Variants in CSMD1 observed in about 807,000 individuals in gnomAD.
CSMD1 encodes CUB and Sushi multiple domains 1, also known as CUB and sushi domain-containing protein 1.
CSMD1 carries 213 observed loss-of-function variants against 417.5 expected under a neutral mutation model. The ratio of observed to expected loss-of-function variants is 0.51; its 90% confidence interval spans 0.46 to 0.57. CSMD1 has a LOEUF of 0.57. Among genes scored for constraint, CSMD1 ranks in the 20% least tolerant of loss-of-function variants. The pLI is 0.00. For missense variants in CSMD1, 6,923 were observed against 4,529.7 expected, an observed-to-expected ratio of 1.53 and a Z score of -15.17; for synonymous variants, 2,862 against 1,736.8, an observed-to-expected ratio of 1.65 and a Z score of -16.11.
intron 12 of CSMD1, among the ~76,000 whole-genome samples, chr8:3,446,357 C>A (rs2117083147): frequency 6.6e-6 from 1 of 152,296 alleles, no homozygotes; most frequent in South Asian, 2.1e-4. Context: ...AGACTGTTTG[C>A]AAAATACACA....
At chr8:3,750,690 C>A (rs916302985) in intron 6 of CSMD1, among the ~76,000 whole-genome samples, 1 of 152,154 alleles carries the variant, frequency 6.6e-6, no homozygotes, top group Non-Finnish European at 1.5e-5. Context: ...CATTTGCCCT[C>A]TGAAGGAACA....
intron 3 of CSMD1, among the ~76,000 whole-genome samples, chr8:4,114,685 G>T (rs1338915239): frequency 6.6e-6 from 1 of 152,168 alleles, no homozygotes; most frequent in Non-Finnish European, 1.5e-5. Flanking sequence ...GTGCTTCATG[G>T]GAGGAGGTCA....
chr8:4,326,998 G>T (rs557593854), intron 3 of CSMD1, among the ~76,000 whole-genome samples: 5 of 152,248 alleles, frequency 3.3e-5, no homozygotes, highest in African/African-American at 1.2e-4. Context: ...GAAGGAAAAC[G>T]AAAGAATTGG....
Position 4,194,807 on chromosome 8 carries a change from A to T in CSMD1, c.416-162708T>A, listed in dbSNP as rs576594268. ...ACCTTCATGAGACTCTTTGGTCACTATGAGTTCTGCAAAGAAAAAAAAAAG... is the reference window on the plus strand; with the variant it reads ...ACCTTCATGAGACTCTTTGGTCACTTTGAGTTCTGCAAAGAAAAAAAAAAG... On this transcript the variant is annotated intron_variant, in intron 3 of 69. Coordinates refer to ENST00000635120, the MANE Select transcript of CSMD1 (RefSeq NM_033225.6). 2.1e-4 allele frequency among the ~76,000 whole-genome samples: 32 copies of T among 152,126 alleles called. 1 individual carries two copies. Among genetic ancestry groups the T allele is most frequent in the African/African-American group, 6.8e-4 (28 of 41,452 alleles).
In CSMD1 at chr8:3,272,538, C is replaced by A. The variant is rs531264842; in HGVS notation, c.4153+11606G>T. ...ACTTTGGGCAGTATGGCCATTTTCA[C>A]GATATTGATTCTTCCTACCCATGAG... On this transcript the variant is annotated intron_variant, in intron 26 of 69. Transcript: ENST00000635120. Among the ~76,000 whole-genome samples the A allele has an allele frequency of 1.4e-5, 2 of 138,838 alleles. 1 individual carries two copies. The highest frequency in any genetic ancestry group is 4.3e-4 in the East Asian group (2 of 4,616). 91.1% of individuals were successfully genotyped at this position (138,838 alleles called of 152,430 possible).
chr8:3,828,451 T>C (rs542408725), intron 5 of CSMD1, among the ~76,000 whole-genome samples: 18 of 152,174 alleles, frequency 1.2e-4, no homozygotes, highest in South Asian at 4.1e-4. Flanking sequence ...GAATAAAATA[T>C]ATAAAAACCC....
intron 7 of CSMD1, among the ~76,000 whole-genome samples, chr8:3,668,430 C>A (rs1351348197): frequency 1.3e-5 from 2 of 152,038 alleles, no homozygotes. Context: ...ACAGTGTAAG[C>A]TGAAGAGATG....
At chr8:3,756,572 A>G (rs1797672129) in intron 5 of CSMD1, among the ~76,000 whole-genome samples, 1 of 152,190 alleles carries the variant, frequency 6.6e-6, no homozygotes, top group African/African-American at 2.4e-5. Flanking sequence ...ATAGTATCCA[A>G]AGCCCTCAAA....
At chr8:3,908,161 T>G (rs1245508320) in intron 5 of CSMD1, among the ~76,000 whole-genome samples, 1 of 152,156 alleles carries the variant, frequency 6.6e-6, no homozygotes, top group African/African-American at 2.4e-5. Context: ...AAACCTGCAT[T>G]TATGCATCAA....
In CSMD1 at chr8:3,187,795, G is replaced by C. The variant is rs144044287; in HGVS notation, c.5620+74C>G. On this transcript the variant is annotated intron_variant, in intron 36 of 69. Coordinates refer to ENST00000635120, the MANE Select transcript of CSMD1 (RefSeq NM_033225.6). ...AGGAAAATTTCTATGTGGAGTGTTT[G>C]CTGTTATTTATGTTGTTTTCTTGGT... The C allele has an allele frequency of 1.6e-4, 173 of 1,070,356 alleles. 2 individuals are homozygous for C. In the East Asian group the frequency reaches 3.0e-3, roughly 19 times the overall value. The allele number at this position is 1,070,356 out of a possible 1,614,324, so 66.3% of individuals were successfully genotyped here.
chr8:3,297,701 A>G (rs1374565007), intron 25 of CSMD1, among the ~76,000 whole-genome samples: 6 of 152,222 alleles, frequency 3.9e-5, no homozygotes, highest in Non-Finnish European at 8.8e-5. Context: ...TAAGTTTTGT[A>G]GAAGAAAACC....
chr8:4,182,121 C>G (rs1798414881), intron 3 of CSMD1, among the ~76,000 whole-genome samples: 1 of 151,874 alleles, frequency 6.6e-6, no homozygotes, highest in Non-Finnish European at 1.5e-5. Context: ...AACTTAAACA[C>G]ACCAAAAGAA....
At chr8:4,164,045 C>T (rs77543310) in intron 3 of CSMD1, among the ~76,000 whole-genome samples, 5,122 of 152,140 alleles carry the variant, frequency 0.034, 130 homozygotes, top group East Asian at 0.11. Flanking sequence ...ATGTGTCATT[C>T]CCTTCTCTTC....
chr8:3,339,128 T>C (rs974039526), intron 23 of CSMD1, among the ~76,000 whole-genome samples: 3 of 151,942 alleles, frequency 2.0e-5, no homozygotes, highest in Non-Finnish European at 2.9e-5. Flanking sequence ...GAATGATGAT[T>C]TCCAATTTCA....
chr8:4,957,955 T>C (rs1482576732), intron 1 of CSMD1, among the ~76,000 whole-genome samples: 1 of 152,202 alleles, frequency 6.6e-6, no homozygotes, highest in Non-Finnish European at 1.5e-5. Flanking sequence ...CTTCTGCTTT[T>C]CTCTCCTTAG....
intron 1 of CSMD1, among the ~76,000 whole-genome samples, chr8:4,934,006 T>TAA (rs199687643): frequency 1.0e-5 from 1 of 99,984 alleles, no homozygotes; most frequent in African/African-American, 3.2e-5. Context: ...TGCTTTTTTT[T>TAA]TAAAAAAAAA....
intron 1 of CSMD1, among the ~76,000 whole-genome samples, chr8:4,853,390 G>C (rs1801599822): frequency 6.6e-6 from 1 of 152,210 alleles, no homozygotes. Flanking sequence ...AAGTGCCACA[G>C]GTACAGCTCA....
At chr8:3,323,038 T>C (rs1806257368) in intron 23 of CSMD1, among the ~76,000 whole-genome samples, 1 of 152,208 alleles carries the variant, frequency 6.6e-6, no homozygotes, top group African/African-American at 2.4e-5. Context: ...TTCATCTCAT[T>C]TACAATTCAA....
At chr8:3,565,650 C>T (rs184204861) in intron 10 of CSMD1, among the ~76,000 whole-genome samples, 2 of 152,288 alleles carry the variant, frequency 1.3e-5, no homozygotes, top group East Asian at 1.9e-4. Context: ...GAAGTTAAAG[C>T]TCCTTCCCTA....
Sources: allele counts gnomAD v4.1 joint callset (sites outside exome capture counted in the v4.1 genomes callset), GRCh38; gene constraint gnomAD v4.1.1; transcripts MANE v1.5; gene names NCBI Gene and HGNC (gene_info 2026-07-23, HGNC 2026-07-21).